The following DIAPH1 variants were observed in gnomAD, a reference collection of about 807,000 sequenced individuals.
The protein encoded by DIAPH1 is diaphanous related formin 1.
DIAPH1 carries 46 observed loss-of-function variants against 140.7 expected under a neutral mutation model. That is an observed-to-expected ratio of 0.33 (90% CI 0.26 to 0.42). DIAPH1 has a LOEUF of 0.42. Among genes scored for constraint, DIAPH1 ranks in the 10% least tolerant of loss-of-function variants. The pLI is 1.00. For synonymous variants in DIAPH1, 565 were observed against 551.6 expected, an observed-to-expected ratio of 1.02 and a Z score of -0.34; for missense variants, 1,310 against 1,558.7, an observed-to-expected ratio of 0.84 and a Z score of 2.69.
chr5:141,532,703 A>G (rs952335641), intron 19 of DIAPH1, among the ~76,000 whole-genome samples: 3 of 152,164 alleles, frequency 2.0e-5, no homozygotes, highest in Non-Finnish European at 4.4e-5. Context: ...TGTCTTATTC[A>G]GCTTTGTATC....
chr5:141,561,788 A>G (rs780582686), intron 18 of DIAPH1: 2 of 152,196 alleles, frequency 1.3e-5, no homozygotes, highest in Non-Finnish European at 2.9e-5. Flanking sequence ...GCATTCTTCC[A>G]CACTGCTCCA....
chr5:141,540,097 A>C (rs1447784830), intron 18 of DIAPH1, among the ~76,000 whole-genome samples: 1 of 151,878 alleles, frequency 6.6e-6, no homozygotes, highest in Admixed American at 6.6e-5. Context: ...CTTTCTGTAT[A>C]TCTCATAAGG....
intron 1 of DIAPH1, among the ~76,000 whole-genome samples, chr5:141,606,988 T>A: frequency 1.4e-5 from 2 of 145,952 alleles, no homozygotes; most frequent in African/African-American, 2.5e-5. Flanking sequence ...GAAGCAAACC[T>A]TAAGATGAGA....
intron 8 of DIAPH1, among the ~76,000 whole-genome samples, chr5:141,580,051 A>G (rs981385017): frequency 2.0e-5 from 3 of 152,232 alleles, no homozygotes; most frequent in African/African-American, 7.2e-5. Flanking sequence ...CTAAATAGCT[A>G]CTAAAGATAA....
At position 141,611,665 on chromosome 5, in the gene DIAPH1, T is replaced by C. The variant is rs115821437; in HGVS notation, c.117+7133A>G. ...TCATGAGCAGATTCTTCACGGACGA[T>C]ACATAGATAGCAAATGGGCAAAATC... On this transcript the variant is annotated intron_variant, in intron 1 of 27. Coordinates refer to ENST00000389054, the MANE Select transcript of DIAPH1 (RefSeq NM_005219.5). Among the ~76,000 whole-genome samples, 123 of 152,288 alleles carry C rather than the reference T, an allele frequency of 8.1e-4. 2 individuals carry two copies. Among genetic ancestry groups the C allele is most frequent in the African/African-American group, 2.8e-3 (118 of 41,564 alleles).
chr5:141,574,459 A>G lies in DIAPH1; in HGVS notation c.1642-251T>C, dbSNP rs77605361. ...AAGACAATTTCAACCTTTATGTTAA[A>G]CCCTCCCTTGATTAGAAAATGTAAA... On this transcript the variant is annotated intron_variant, in intron 15 of 27. Transcript: ENST00000389054. Among the ~76,000 whole-genome samples, 9,877 of 152,170 alleles carry G rather than the reference A, an allele frequency of 0.065. 428 individuals are homozygous for G. The highest frequency in any genetic ancestry group is 0.12 in the South Asian group (585 of 4,822).
chr5:141,580,164 C>T (rs2099896539), intron 8 of DIAPH1, among the ~76,000 whole-genome samples: 1 of 152,082 alleles, frequency 6.6e-6, no homozygotes. Flanking sequence ...AACCAAATCC[C>T]TCTTCAATAA....
At chr5:141,600,125 A>G (rs1265202408) in intron 1 of DIAPH1, among the ~76,000 whole-genome samples, 2 of 152,226 alleles carry the variant, frequency 1.3e-5, no homozygotes, top group Non-Finnish European at 2.9e-5. Flanking sequence ...ACAAGGATTC[A>G]GGATGCCATT....
At chr5:141,605,560 GCA>G (rs1189995975) in intron 1 of DIAPH1, among the ~76,000 whole-genome samples, 2 of 152,142 alleles carry the variant, frequency 1.3e-5, no homozygotes, top group African/African-American at 4.8e-5. Flanking sequence ...TCCTGACAAG[GCA>G]CAGTTACAAA....
At position 141,527,565 on chromosome 5, in the gene DIAPH1, G is replaced by C. The variant is rs772177335; in HGVS notation, c.3273+8C>G. ...AGGGAACAACTCCCTCCTTTCAAGA[G>C]AGGATATGGTCATTTTTTCAACAAA... On this transcript the variant is annotated splice_region_variant and intron_variant, in intron 24 of 27. Transcript: ENST00000389054. 5 of 1,613,358 alleles carry C rather than the reference G, an allele frequency of 3.1e-6. No individual in the cohort carries two copies. The highest frequency in any genetic ancestry group is 2.7e-5 in the African/African-American group (2 of 74,846).
intron 1 of DIAPH1, among the ~76,000 whole-genome samples, chr5:141,592,948 A>C (rs1441872162): frequency 6.6e-6 from 1 of 152,214 alleles, no homozygotes; most frequent in African/African-American, 2.4e-5. Context: ...CTAAACCTAC[A>C]GAAAAGGTGT....
chr5:141,598,818 T>G (rs1195208817), intron 1 of DIAPH1, among the ~76,000 whole-genome samples: 1 of 152,246 alleles, frequency 6.6e-6, no homozygotes, highest in Non-Finnish European at 1.5e-5. Context: ...AAATGAAGTT[T>G]AAAACTTATT....
At chr5:141,614,345 A>G (rs2099902309) in intron 1 of DIAPH1, among the ~76,000 whole-genome samples, 1 of 152,204 alleles carries the variant, frequency 6.6e-6, no homozygotes, top group African/African-American at 2.4e-5. Flanking sequence ...ATTACATTTC[A>G]TGGAAGATAT....
intron 19 of DIAPH1, among the ~76,000 whole-genome samples, chr5:141,533,311 A>G (rs894603249): frequency 6.6e-6 from 1 of 152,226 alleles, no homozygotes; most frequent in Non-Finnish European, 1.5e-5. Flanking sequence ...AGTAATTAAA[A>G]AGAACAAAAA....
chr5:141,610,292 C>T (rs373332155), intron 1 of DIAPH1, among the ~76,000 whole-genome samples: 14 of 151,974 alleles, frequency 9.2e-5, no homozygotes, highest in Admixed American at 1.3e-4. Context: ...CCACCACACC[C>T]GGCTAATTTT....
rs191162232 is a variant in DIAPH1, at chr5:141,610,421, C to T, written c.117+8377G>A. 1.5e-3 allele frequency among the ~76,000 whole-genome samples: 226 copies of T among 152,322 alleles called. 1 individual carries two copies. In the Middle Eastern group the frequency reaches 0.02, roughly 14 times the overall value. On this transcript the variant is annotated intron_variant, in intron 1 of 27. Coordinates refer to ENST00000389054, the MANE Select transcript of DIAPH1 (RefSeq NM_005219.5). ...GTTCAAGCAATTCTCCTGCCTCAGC[C>T]TCCCGAGTAGCTGGGATTACAGGCA...
chr5:141,587,640 C>T (rs1403370619), intron 2 of DIAPH1, among the ~76,000 whole-genome samples: 3 of 152,190 alleles, frequency 2.0e-5, no homozygotes, highest in Non-Finnish European at 4.4e-5. Flanking sequence ...TTAATAGATA[C>T]AAGCCAAATA....
At chr5:141,566,111 G>C (rs748324300) in intron 18 of DIAPH1, among the ~76,000 whole-genome samples, 6 of 152,088 alleles carry the variant, frequency 3.9e-5, no homozygotes, top group Non-Finnish European at 7.4e-5. Context: ...TGAAATGCTG[G>C]TAGGACAAAT....
At chr5:141,617,978 C>T (rs1177930862) in intron 1 of DIAPH1, among the ~76,000 whole-genome samples, 1 of 152,218 alleles carries the variant, frequency 6.6e-6, no homozygotes, top group Non-Finnish European at 1.5e-5. Flanking sequence ...GTATAAAAAA[C>T]AATTCAATTA....
Sources: allele counts gnomAD v4.1 joint callset (sites outside exome capture counted in the v4.1 genomes callset), GRCh38; gene constraint gnomAD v4.1.1; transcripts MANE v1.5; gene names NCBI Gene and HGNC (gene_info 2026-07-23, HGNC 2026-07-21).